PPM1H: variants seen among roughly 807,000 people sequenced by gnomAD.
The protein encoded by PPM1H is protein phosphatase 1H.
PPM1H carries 27 observed loss-of-function variants against 54.9 expected under a neutral mutation model. The observed-to-expected ratio is 0.49, with a 90% CI of 0.36 to 0.68. PPM1H has a LOEUF of 0.68. PPM1H is among the 30% of genes least tolerant of loss of function. The probability of loss-of-function intolerance (pLI) is 0.00; values close to 1 mark genes in which losing one functional copy is unlikely to be tolerated. For missense variants in PPM1H, 596 were observed against 667.8 expected (o/e 0.89, Z 1.19); for synonymous variants, 305 against 270.8 (o/e 1.13, Z -1.24).
chr12:62,702,606 T>C (rs74713207), intron 6 of PPM1H, among the ~76,000 whole-genome samples: 2,073 of 150,178 alleles, frequency 0.014, 45 homozygotes, highest in East Asian at 0.09. Context: ...CCCTAAGTCT[T>C]AATTCCCTTA....
At chr12:62,715,043 G>A (rs1207867968) in intron 6 of PPM1H, among the ~76,000 whole-genome samples, 1 of 152,190 alleles carries the variant, frequency 6.6e-6, no homozygotes, top group African/African-American at 2.4e-5. Context: ...GATCCTACTT[G>A]AGAAAGCGGA....
At chr12:62,666,544 C>G (rs345945) in intron 9 of PPM1H, among the ~76,000 whole-genome samples, 49,230 of 152,128 alleles carry the variant, frequency 0.32, 9,781 homozygotes, top group Middle Eastern at 0.56. Context: ...TTTGCCATCA[C>G]TCTCATCAAC....
chr12:62,808,285 A>G (rs754321940), intron 2 of PPM1H, among the ~76,000 whole-genome samples: 22 of 152,210 alleles, frequency 1.4e-4, no homozygotes, highest in Non-Finnish European at 2.8e-4. Flanking sequence ...AGAGAATATA[A>G]CTGCTCTAGG....
chr12:62,897,106 G>C (rs996083704), intron 1 of PPM1H, among the ~76,000 whole-genome samples: 1 of 129,532 alleles, frequency 7.7e-6, no homozygotes, highest in East Asian at 2.8e-4. Flanking sequence ...GTTGCGGGGT[G>C]GGGGGAGGGG....
At chr12:62,775,816 C>T (rs2076607083) in intron 4 of PPM1H, among the ~76,000 whole-genome samples, 1 of 152,204 alleles carries the variant, frequency 6.6e-6, no homozygotes, top group Non-Finnish European at 1.5e-5. Context: ...ATCTGGTCCT[C>T]AACTATAAAA....
chr12:62,880,003 T>G (rs1870332220), intron 1 of PPM1H, among the ~76,000 whole-genome samples: 1 of 152,124 alleles, frequency 6.6e-6, no homozygotes, highest in Non-Finnish European at 1.5e-5. Flanking sequence ...GTCTGCCAAA[T>G]TATATTATTG....
At chr12:62,799,468 A>T (rs1239497291) in intron 3 of PPM1H, among the ~76,000 whole-genome samples, 2 of 152,244 alleles carry the variant, frequency 1.3e-5, no homozygotes, top group Non-Finnish European at 2.9e-5. Flanking sequence ...CATTACAAGG[A>T]GAGCCCATTG....
chr12:62,861,497 G>A (rs1026720391), intron 1 of PPM1H, among the ~76,000 whole-genome samples: 1 of 152,116 alleles, frequency 6.6e-6, no homozygotes, highest in Non-Finnish European at 1.5e-5. Context: ...AATATTTCTG[G>A]CTCTATTGAC....
At chr12:62,874,723 A>C (rs1183768395) in intron 1 of PPM1H, among the ~76,000 whole-genome samples, 1 of 152,238 alleles carries the variant, frequency 6.6e-6, no homozygotes, top group East Asian at 1.9e-4. Flanking sequence ...TCTCATCCAT[A>C]TAGGCATGAT....
At chr12:62,837,153 A>G (rs1868526288) in intron 1 of PPM1H, among the ~76,000 whole-genome samples, 1 of 152,224 alleles carries the variant, frequency 6.6e-6, no homozygotes, top group Non-Finnish European at 1.5e-5. Context: ...TTTTGTAATC[A>G]TCACCACCTC....
At chr12:62,665,008 T>G (rs1409129219) in intron 9 of PPM1H, among the ~76,000 whole-genome samples, 1 of 150,964 alleles carries the variant, frequency 6.6e-6, no homozygotes, top group Admixed American at 6.6e-5. Flanking sequence ...TGGCTGCTTT[T>G]AATATATTTT....
At chr12:62,663,330 CT>C (rs909154321) in intron 9 of PPM1H, among the ~76,000 whole-genome samples, 39 of 128,480 alleles carry the variant, frequency 3.0e-4, no homozygotes, top group African/African-American at 9.3e-4. Flanking sequence ...CTGCAATTCT[CT>C]TTTAAAAAAA....
intron 1 of PPM1H, among the ~76,000 whole-genome samples, chr12:62,858,378 G>A (rs1273206022): frequency 6.6e-6 from 1 of 152,146 alleles, no homozygotes; most frequent in Non-Finnish European, 1.5e-5. Flanking sequence ...AGGGTTTCTA[G>A]CCAGTTTAAT....
chr12:62,677,994 A>G (rs1046747307), intron 8 of PPM1H, among the ~76,000 whole-genome samples: 1 of 150,706 alleles, frequency 6.6e-6, no homozygotes, highest in African/African-American at 2.4e-5. Flanking sequence ...TGTGGTGACA[A>G]TTGTGCACTG....
intron 4 of PPM1H, among the ~76,000 whole-genome samples, chr12:62,752,509 G>A (rs2076448011): frequency 6.6e-6 from 1 of 152,134 alleles, no homozygotes; most frequent in African/African-American, 2.4e-5. Flanking sequence ...AGAAAAGAAG[G>A]AAGATTGACA....
chr12:62,682,872 G>C (rs2076027341), intron 8 of PPM1H, among the ~76,000 whole-genome samples: 1 of 150,868 alleles, frequency 6.6e-6, no homozygotes, highest in Non-Finnish European at 1.5e-5. Context: ...CCCAGGCTGG[G>C]GTGCAGTGGC....
intron 1 of PPM1H, among the ~76,000 whole-genome samples, chr12:62,859,132 C>T (rs185927740): frequency 1.3e-5 from 2 of 152,276 alleles, no homozygotes; most frequent in East Asian, 3.9e-4. Context: ...GTAACAGCAG[C>T]AAATGCTATC....
chr12:62,826,147 C>G (rs1166206673), intron 2 of PPM1H, among the ~76,000 whole-genome samples: 1 of 152,128 alleles, frequency 6.6e-6, no homozygotes, highest in African/African-American at 2.4e-5. Context: ...TCATTATTAT[C>G]TGTAGTAGAA....
chr12:62,692,395 CA>C (rs539807297), intron 7 of PPM1H, among the ~76,000 whole-genome samples: 202 of 152,334 alleles, frequency 1.3e-3, no homozygotes, highest in Non-Finnish European at 2.3e-3. Flanking sequence ...CTTGCTCCTT[CA>C]AATCTTACTG....
Sources: gnomAD v4.1 joint callset for allele counts (sites outside exome capture counted in the v4.1 genomes callset) on GRCh38, gnomAD v4.1.1 for gene constraint, MANE v1.5 for transcripts, NCBI Gene and HGNC (gene_info 2026-07-23, HGNC 2026-07-21) for gene names.